BCL2L13: variants seen among roughly 807,000 people sequenced by gnomAD.
The protein encoded by BCL2L13 is BCL2 like 13.
A neutral mutation model predicts 25.8 loss-of-function variants in BCL2L13; 13 were observed. That is an observed-to-expected ratio of 0.50 (90% confidence interval 0.33 to 0.80). The LOEUF is 0.80. Among genes scored for constraint, BCL2L13 ranks in the 30% least tolerant of loss-of-function variants. The probability of loss-of-function intolerance (pLI) is 0.02; values close to 1 mark genes in which losing one functional copy is unlikely to be tolerated. For missense variants in BCL2L13, 504 were observed against 574.9 expected, an observed-to-expected ratio of 0.88 and a Z score of 1.26; for synonymous variants, 244 against 230.3, an observed-to-expected ratio of 1.06 and a Z score of -0.54.
At chr22:17,680,033 T>G (rs894068808) in intron 2 of BCL2L13, among the ~76,000 whole-genome samples, 3 of 149,820 alleles carry the variant, frequency 2.0e-5, no homozygotes, top group African/African-American at 7.4e-5. Flanking sequence ...GCCAACATGA[T>G]GAAGCACCAT....
At chr22:17,635,849 G>A (rs1212149301), upstream of BCL2L13, among the ~76,000 whole-genome samples, 1 of 148,062 alleles carries the variant, frequency 6.8e-6, no homozygotes, top group East Asian at 2.1e-4. Flanking sequence ...AGCTGGGACT[G>A]AAGGTGCGCG....
intron 1 of BCL2L13, among the ~76,000 whole-genome samples, chr22:17,643,910 G>A (rs577583928): frequency 6.7e-6 from 1 of 149,762 alleles, no homozygotes; most frequent in East Asian, 2.0e-4. Flanking sequence ...ACGGCGCCCG[G>A]CCAACTTTTT....
In BCL2L13 at chr22:17,729,779, AT is replaced by A. The variant is rs1382050493; in HGVS notation, c.*2246del. 6.6e-6 allele frequency: 1 copy of A among 152,186 alleles called. No individual in the cohort carries two copies. Among genetic ancestry groups the A allele is most frequent in the Non-Finnish European group, 1.5e-5 (1 of 68,056 alleles). 9.4% of individuals were successfully genotyped at this position (152,186 alleles called of 1,614,324 possible). Reference sequence around the variant, plus strand: ...TTGTATTTCACGGTAATGGAACTAGATAGTGTTTTCCATTGGCTTTCTCTGG... The same window carrying A: ...TTGTATTTCACGGTAATGGAACTAGAAGTGTTTTCCATTGGCTTTCTCTGG... On this transcript the variant is annotated 3_prime_UTR_variant, in exon 7 of 7. Transcript: ENST00000317582.
At chr22:17,655,885 TATAA>T in intron 2 of BCL2L13, 53 bp downstream of exon 2, 5 of 1,481,172 alleles carry the variant, frequency 3.4e-6, no homozygotes, top group Non-Finnish European at 3.7e-6. Flanking sequence ...GGACTTTATA[TATAA>T]AAGTATATGT....
intron 6 of BCL2L13, among the ~76,000 whole-genome samples, chr22:17,708,289 G>A (rs571577901): frequency 1.9e-4 from 29 of 152,058 alleles, no homozygotes; most frequent in Admixed American, 8.5e-4. Flanking sequence ...ATTACAGACA[G>A]AAAAGCACCA....
Position 17,689,109 on chromosome 22 carries a change from C to G in BCL2L13, c.353C>G (p.Pro118Arg). ...GEKVSQELKE[P>R]LHKALQMLLS... is the part of the protein sequence containing the mutation. ...AAAGTGTCCCAGGAACTGAAAGAGC[C>G]TCTCCATAAAGCATTGCAAATGCTC... Residue 118 changes from proline (P) to arginine (R), a missense_variant, in exon 4 of 7, where the codon CCT becomes CGT. Transcript: ENST00000317582. The G allele has an allele frequency of 6.2e-7, 1 of 1,614,148 alleles. No homozygotes were observed. Among genetic ancestry groups the G allele is most frequent in the Non-Finnish European group, 8.5e-7 (1 of 1,180,018 alleles).
chr22:17,664,323 C>A (rs1011742070), intron 2 of BCL2L13, among the ~76,000 whole-genome samples: 3 of 152,218 alleles, frequency 2.0e-5, no homozygotes, highest in Non-Finnish European at 4.4e-5. Context: ...ACCTTTGACT[C>A]CATGTCTCAC....
rs146757127 is a variant in BCL2L13, at chr22:17,667,417, C to T, written c.121+11585C>T. 7.3e-3 allele frequency among the ~76,000 whole-genome samples: 1,116 copies of T among 152,098 alleles called. 6 individuals carry two copies. The highest frequency in any genetic ancestry group is 0.024 in the Middle Eastern group (7 of 292). On this transcript the variant is annotated intron_variant, in intron 2 of 6. Transcript: ENST00000317582. ...AACTCCTGACCTCATGTGATCTGCC[C>T]GCCTTGGCCTCCCAAAGTGCTGGAA...
Position 17,726,673 on chromosome 22 carries a change from C to T in BCL2L13, c.601-4C>T. ...TATTATTGACGCTTGTCCTTCGTTTCTAGGGCACTGTGTTTAGTCTTGAGT... is the reference window on the plus strand; with the variant it reads ...TATTATTGACGCTTGTCCTTCGTTTTTAGGGCACTGTGTTTAGTCTTGAGT... On this transcript the variant is annotated splice_polypyrimidine_tract_variant and splice_region_variant and intron_variant, in intron 6 of 6. Coordinates refer to ENST00000317582, the MANE Select transcript of BCL2L13 (RefSeq NM_015367.4). 2 of 1,606,620 alleles carry T rather than the reference C, an allele frequency of 1.2e-6. No homozygotes were observed. The highest frequency in any genetic ancestry group is 1.7e-6 in the Non-Finnish European group (2 of 1,174,220).
intron 2 of BCL2L13, among the ~76,000 whole-genome samples, chr22:17,657,295 AT>A (rs2058905622): frequency 6.6e-6 from 1 of 152,222 alleles, no homozygotes; most frequent in Admixed American, 6.5e-5. Context: ...GGCTTCCTGA[AT>A]TTAATAATTC....
At chr22:17,651,925 C>A (rs914683554) in intron 1 of BCL2L13, among the ~76,000 whole-genome samples, 6 of 151,838 alleles carry the variant, frequency 4.0e-5, no homozygotes, top group Admixed American at 3.3e-4. Flanking sequence ...TTCCTGATTG[C>A]GTGATCCACC....
chr22:17,664,646 C>G (rs2059180107), intron 2 of BCL2L13, among the ~76,000 whole-genome samples: 1 of 152,222 alleles, frequency 6.6e-6, no homozygotes, highest in Non-Finnish European at 1.5e-5. Flanking sequence ...ACCCCTATAG[C>G]ACACCTCTGC....
chr22:17,694,209 T>C (rs970759879), intron 4 of BCL2L13, among the ~76,000 whole-genome samples: 11 of 151,246 alleles, frequency 7.3e-5, no homozygotes, highest in Non-Finnish European at 1.5e-4. Context: ...CCCAAGTCTT[T>C]TGTTTTTAAA....
At chr22:17,683,879 T>C (rs1020400202) in intron 3 of BCL2L13, among the ~76,000 whole-genome samples, 1 of 148,422 alleles carries the variant, frequency 6.7e-6, no homozygotes. Context: ...ATTATTATTA[T>C]TATTACTATT....
chr22:17,673,589 G>A (rs1046221376), intron 2 of BCL2L13, among the ~76,000 whole-genome samples: 2 of 149,620 alleles, frequency 1.3e-5, no homozygotes, highest in Non-Finnish European at 3.0e-5. Flanking sequence ...GTGTTAGCCA[G>A]ACTGGTCTCG....
intron 6 of BCL2L13, among the ~76,000 whole-genome samples, chr22:17,722,375 AGG>A (rs57323420): frequency 0.21 from 19,931 of 97,214 alleles, 2,031 homozygotes; most frequent in African/African-American, 0.4. Context: ...ATGAGACTAC[AGG>A]GGTGTGTGTG....
chr22:17,695,864 C>T (rs1044618471), intron 4 of BCL2L13: 7 of 263,482 alleles, frequency 2.7e-5, no homozygotes, highest in Admixed American at 2.2e-4. Flanking sequence ...CATAAAAATC[C>T]TATCCTGTAA....
chr22:17,643,396 G>A (rs5992776), intron 1 of BCL2L13, among the ~76,000 whole-genome samples: 27,405 of 151,786 alleles, frequency 0.18, 3,340 homozygotes, highest in African/African-American at 0.34. Flanking sequence ...GAGCCACCGC[G>A]CCCGGCCATT....
At chr22:17,667,995 G>A (rs1409032474) in intron 2 of BCL2L13, among the ~76,000 whole-genome samples, 1 of 144,238 alleles carries the variant, frequency 6.9e-6, no homozygotes, top group Non-Finnish European at 1.5e-5. Context: ...GAGAGCATGA[G>A]GAAGGGCTTG....
Sources: gnomAD v4.1 joint callset for allele counts (sites outside exome capture counted in the v4.1 genomes callset) on GRCh38, gnomAD v4.1.1 for gene constraint, MANE v1.5 for transcripts, NCBI Gene and HGNC (gene_info 2026-07-23, HGNC 2026-07-21) for gene names.